CLIP2: variants seen among roughly 807,000 people sequenced by gnomAD.
The protein encoded by CLIP2 is CAP-Gly domain containing linker protein 2.
Under a neutral mutation model 111.7 loss-of-function variants are expected in CLIP2, and 41 were observed. The ratio of observed to expected loss-of-function variants is 0.37; its 90% CI spans 0.29 to 0.48. The LOEUF is 0.48. Among genes scored for constraint, CLIP2 ranks in the 20% least tolerant of loss-of-function variants. The pLI is 0.99. For synonymous variants in CLIP2, 660 were observed against 644.2 expected (o/e 1.02, Z -0.37); for missense variants, 1,160 against 1,422.1 (o/e 0.82, Z 2.96).
In CLIP2 at chr7:74,376,878, C is replaced by A; in HGVS notation, c.2421+56C>A. The A allele has an allele frequency of 2.1e-6, 3 of 1,429,594 alleles. No individual in the cohort carries two copies. The highest frequency in any genetic ancestry group is 2.8e-6 in the Non-Finnish European group (3 of 1,074,818). 88.6% of individuals were successfully genotyped at this position (1,429,594 alleles called of 1,614,324 possible). ...AGGGTCGGGCTGGGGAGGGCTTGGC[C>A]TTTTGCTGACCTCTGTTCTGCAGCC... is the stretch of plus-strand genomic sequence containing the variant. On this transcript the variant is annotated intron_variant, in intron 10 of 16. Coordinates refer to ENST00000223398, the MANE Select transcript of CLIP2 (RefSeq NM_003388.5). The surrounding 1 kb of genome is among the most constrained non-coding windows in gnomAD (Gnocchi z 7.1).
chr7:74,383,080 CAAA>C (rs556644763), intron 11 of CLIP2, among the ~76,000 whole-genome samples: 29 of 61,222 alleles, frequency 4.7e-4, no homozygotes, highest in African/African-American at 5.7e-4. Context: ...ACCCTGTCAC[CAAA>C]AAAAAAAAAA....
At chr7:74,392,956 CCT>C (rs1277654434) in intron 13 of CLIP2, among the ~76,000 whole-genome samples, 1 of 152,190 alleles carries the variant, frequency 6.6e-6, no homozygotes, top group Non-Finnish European at 1.5e-5. Flanking sequence ...GCGTGGGCCC[CCT>C]GAGTCTCCTG....
At chr7:74,399,237 G>T (rs1362322928) in intron 14 of CLIP2, among the ~76,000 whole-genome samples, 1 of 150,508 alleles carries the variant, frequency 6.6e-6, no homozygotes, top group East Asian at 2.0e-4. Context: ...GTTGGGTGGG[G>T]GCAGTGTAAG....
At chr7:74,324,585 C>T (rs1230723524) in intron 2 of CLIP2, among the ~76,000 whole-genome samples, 1 of 151,960 alleles carries the variant, frequency 6.6e-6, no homozygotes, top group Non-Finnish European at 1.5e-5. Context: ...GACAGGGGAG[C>T]CACACCTTGT....
intron 14 of CLIP2, among the ~76,000 whole-genome samples, chr7:74,399,549 G>C (rs1395685728): frequency 7.1e-5 from 9 of 126,756 alleles, no homozygotes; most frequent in Non-Finnish European, 1.2e-4. Context: ...TTTTGGGGGG[G>C]GGGGGGTGGG....
At chr7:74,396,116 C>T (rs185779043) in intron 13 of CLIP2, among the ~76,000 whole-genome samples, 18 of 152,314 alleles carry the variant, frequency 1.2e-4, no homozygotes, top group Non-Finnish European at 2.4e-4. Flanking sequence ...TGCCTATGCC[C>T]ATGGCAGGCA....
At chr7:74,320,804 G>A (rs1330252364) in intron 2 of CLIP2, among the ~76,000 whole-genome samples, 3 of 151,978 alleles carry the variant, frequency 2.0e-5, no homozygotes, top group African/African-American at 7.2e-5. Context: ...AAGAGGAGGA[G>A]GAGGAAGGAT....
chr7:74,342,007 G>T (rs1789669943), intron 3 of CLIP2, among the ~76,000 whole-genome samples: 1 of 152,174 alleles, frequency 6.6e-6, no homozygotes, highest in Non-Finnish European at 1.5e-5. Context: ...TTAGGGAATG[G>T]CCTGGCATTG....
intron 11 of CLIP2, among the ~76,000 whole-genome samples, chr7:74,381,905 A>G (rs1219212956): frequency 2.6e-5 from 4 of 152,156 alleles, no homozygotes; most frequent in Admixed American, 2.6e-4. Context: ...AATTACCTTG[A>G]CTTCCATTGG....
At position 74,376,575 on chromosome 7, in the gene CLIP2, G is replaced by A. The variant is rs376286431; in HGVS notation, c.2174G>A (p.Arg725His). 94 of 1,609,952 alleles carry A rather than the reference G, an allele frequency of 5.8e-5. 1 individual carries two copies. In the Admixed American group the frequency reaches 1.4e-3, roughly 24 times the overall value. The change falls in exon 10 of 17, where the codon CGC becomes CAC. Residue 725 changes from arginine to histidine, a missense_variant. Arg to His is a conservative substitution (Grantham distance 29). Coordinates refer to ENST00000223398, the MANE Select transcript of CLIP2 (RefSeq NM_003388.5). The surrounding 1 kb of genome is among the most constrained non-coding windows in gnomAD (Gnocchi z 7.1). Reference sequence around the variant, plus strand: ...GAGCTGCAGGAGGCCCAGGACCAGCGCCGGGATGCCGAGCTGCGTGTGCAC... The same window carrying A: ...GAGCTGCAGGAGGCCCAGGACCAGCACCGGGATGCCGAGCTGCGTGTGCAC... ...RLELQEAQDQRRDAELRVHEL... is the reference protein window; with the variant it reads ...RLELQEAQDQHRDAELRVHEL...
chr7:74,357,227 C>G (rs1220118494), intron 5 of CLIP2, 53 bp from the exon 6 acceptor site: 1 of 1,526,054 alleles, frequency 6.6e-7, no homozygotes, highest in African/African-American at 1.4e-5. Flanking sequence ...AGCCAGTCTG[C>G]CCTGCAGTGC....
At chr7:74,344,987 G>A (rs929329928) in intron 3 of CLIP2, among the ~76,000 whole-genome samples, 1 of 152,170 alleles carries the variant, frequency 6.6e-6, no homozygotes, top group Non-Finnish European at 1.5e-5. Context: ...GCCACAGAGT[G>A]TAGTAAGAAG....
intron 11 of CLIP2, among the ~76,000 whole-genome samples, chr7:74,386,078 C>T (rs1287724230): frequency 7.5e-6 from 1 of 132,776 alleles, no homozygotes; most frequent in African/African-American, 2.8e-5. Context: ...GACCGAGTCT[C>T]GCTGTGTCGC....
In CLIP2 at chr7:74,389,189, G is replaced by T. The variant is rs782343652; in HGVS notation, c.2650G>T (p.Val884Leu). 4 of 1,613,520 alleles carry T rather than the reference G, an allele frequency of 2.5e-6. No individual in the cohort carries two copies. In the Admixed American group the frequency reaches 6.7e-5, roughly 27 times the overall value. Reference sequence around the variant, plus strand: ...GCGCCTGGAGGCAGAGCTGGAGACCGTGTCCCGGAAGACCCATGACGCCTC... The same window carrying T: ...GCGCCTGGAGGCAGAGCTGGAGACCTTGTCCCGGAAGACCCATGACGCCTC... ...KRRLEAELET[V>L]SRKTHDASGQ... Residue 884 changes from valine (V) to leucine (L), a missense_variant, in exon 13 of 17, where the codon GTG becomes TTG. Val to Leu is a conservative substitution (Grantham distance 32, BLOSUM62 1). Transcript: ENST00000223398.
intron 2 of CLIP2, among the ~76,000 whole-genome samples, chr7:74,327,645 C>T (rs182532802): frequency 1.2e-4 from 19 of 152,330 alleles, no homozygotes; most frequent in African/African-American, 4.1e-4. Flanking sequence ...GGCAACTTCT[C>T]GGCTCTCCAC....
At chr7:74,401,090 G>A (rs574631233) in intron 15 of CLIP2, among the ~76,000 whole-genome samples, 7 of 148,056 alleles carry the variant, frequency 4.7e-5, no homozygotes, top group South Asian at 2.2e-4. Flanking sequence ...GCTCTGTCCC[G>A]GAACCCTGGT....
chr7:74,296,960 A>T (rs1788186682), intron 1 of CLIP2, among the ~76,000 whole-genome samples: 1 of 152,182 alleles, frequency 6.6e-6, no homozygotes, highest in Non-Finnish European at 1.5e-5. Flanking sequence ...TAAGACCAGC[A>T]TTTGTTCCCT....
intron 2 of CLIP2, among the ~76,000 whole-genome samples, chr7:74,336,593 T>A (rs1789466851): frequency 6.6e-6 from 1 of 152,080 alleles, no homozygotes; most frequent in African/African-American, 2.4e-5. Context: ...CCCCTGTGAT[T>A]CATTAAGCTC....
chr7:74,400,391 G>A lies in CLIP2; in HGVS notation c.2902G>A (p.Asp968Asn). The A allele has an allele frequency of 6.2e-7, 1 of 1,611,494 alleles. No homozygotes were observed. The highest frequency in any genetic ancestry group is 8.5e-7 in the Non-Finnish European group (1 of 1,178,486). The change falls in exon 15 of 17, where the codon GAT becomes AAT. Residue 968 changes from aspartate (D) to asparagine (N), a missense_variant. By Grantham distance (23) the Asp-to-Asn change is conservative (BLOSUM62 1). Around this residue, in one of 5 missense-constraint regions of CLIP2, gnomAD observed 676 missense variants for 777.8 expected, o/e 0.87. Coordinates refer to ENST00000223398, the MANE Select transcript of CLIP2 (RefSeq NM_003388.5). ...CCAGGACAAAGAGAAATCCCTGTCG[G>A]ATCAGAGGCGCTACTCCCTCATCGA... ...TGLDKEKSLS[D>N]QRRYSLIDRS... is the part of the protein sequence containing the mutation.
Sources: allele counts gnomAD v4.1 joint callset (sites outside exome capture counted in the v4.1 genomes callset), GRCh38; gene constraint gnomAD v4.1.1; regional missense constraint gnomAD v4.1.1; non-coding constraint Gnocchi (gnomAD v3.1); transcripts MANE v1.5; gene names NCBI Gene and HGNC (gene_info 2026-07-23, HGNC 2026-07-21).